C1orf21: variants seen among roughly 807,000 people sequenced by gnomAD.
The protein encoded by C1orf21 is chromosome 1 open reading frame 21, also known as uncharacterized protein C1orf21.
C1orf21 carries 3 observed loss-of-function variants against 18.7 expected under a neutral mutation model. The ratio of observed to expected loss-of-function variants is 0.16; its 90% confidence interval spans 0.07 to 0.42. The LOEUF is 0.42. Ranked by LOEUF, C1orf21 falls within the 10% of genes least tolerant of loss-of-function variation. The pLI is 0.99. For synonymous variants in C1orf21, 41 were observed against 46.4 expected, an observed-to-expected ratio of 0.88 and a Z score of 0.47; for missense variants, 104 against 143.6, an observed-to-expected ratio of 0.72 and a Z score of 1.41.
At position 184,627,212 on chromosome 1, in the gene C1orf21, C is replaced by A. The variant is rs1158097275; in HGVS notation, c.*7656C>A. 2.0e-5 allele frequency: 3 copies of A among 152,282 alleles called. No individual in the cohort carries two copies. Among genetic ancestry groups the A allele is most frequent in the African/African-American group, 7.2e-5 (3 of 41,412 alleles). 9.4% of individuals were successfully genotyped at this position (152,282 alleles called of 1,614,324 possible). A position where few individuals can be genotyped will look rare whatever the true frequency, so the allele number is the denominator to read the frequency against. On this transcript the variant is annotated 3_prime_UTR_variant, in exon 6 of 6. Coordinates refer to ENST00000235307, the MANE Select transcript of C1orf21 (RefSeq NM_030806.4). ...GTATGAGTCAGGGAAGGCTCAGAGACAAGCAGAATCTCTCTATGGAGACAA... is the reference window on the plus strand; with the variant it reads ...GTATGAGTCAGGGAAGGCTCAGAGAAAAGCAGAATCTCTCTATGGAGACAA...
intron 3 of C1orf21, among the ~76,000 whole-genome samples, chr1:184,546,299 G>A (rs964001582): frequency 1.3e-5 from 2 of 152,262 alleles, no homozygotes; most frequent in East Asian, 1.9e-4. Context: ...ACTGGGCATG[G>A]TGGTGCACAC....
intron 1 of C1orf21, among the ~76,000 whole-genome samples, chr1:184,424,927 ACAC>A (rs1166218356): frequency 6.6e-6 from 1 of 152,148 alleles, no homozygotes; most frequent in African/African-American, 2.4e-5. Context: ...GGTTATCAGA[ACAC>A]CTAGCCCTGT....
chr1:184,597,565 T>C (rs1303998168), intron 4 of C1orf21, among the ~76,000 whole-genome samples: 1 of 151,912 alleles, frequency 6.6e-6, no homozygotes, highest in Non-Finnish European at 1.5e-5. Context: ...AAGGAAACTC[T>C]GTGTGATAAC....
rs771892964 is a variant in C1orf21, at chr1:184,477,578, C to T, written c.69C>T (p.Asn23=). Residue 23 remains asparagine, a synonymous_variant, in exon 2 of 6, where the codon AAC becomes AAT. Coordinates refer to ENST00000235307, the MANE Select transcript of C1orf21 (RefSeq NM_030806.4). The part of the protein sequence containing the change: ...QNEEEAQKGK[N]YQNGDVFGDE... ...AAGAGGAAGCCCAGAAAGGGAAAAA[C>T]TACCAGAACGGAGATGTGTTTGGCG... The T allele has an allele frequency of 1.2e-6, 2 of 1,614,008 alleles. No homozygotes were observed. Among genetic ancestry groups the T allele is most frequent in the Non-Finnish European group, 8.5e-7 (1 of 1,179,916 alleles).
At chr1:184,488,205 T>C (rs1277450693) in intron 2 of C1orf21, among the ~76,000 whole-genome samples, 1 of 152,242 alleles carries the variant, frequency 6.6e-6, no homozygotes, top group Non-Finnish European at 1.5e-5. Flanking sequence ...GTGTAAGATG[T>C]ATACGTGAAT....
chr1:184,586,424 C>A (rs973501596), intron 3 of C1orf21, among the ~76,000 whole-genome samples: 4 of 151,854 alleles, frequency 2.6e-5, no homozygotes, highest in Non-Finnish European at 1.5e-5. Flanking sequence ...GCTGGGACTA[C>A]AGGCGCCCGC....
intron 3 of C1orf21, among the ~76,000 whole-genome samples, chr1:184,536,511 C>T (rs1658555908): frequency 6.6e-6 from 1 of 152,168 alleles, no homozygotes; most frequent in Non-Finnish European, 1.5e-5. Flanking sequence ...GTCACATGGT[C>T]ACACCTCACT....
intron 1 of C1orf21, among the ~76,000 whole-genome samples, chr1:184,396,775 A>G (rs982710069): frequency 2.0e-5 from 3 of 152,056 alleles, no homozygotes; most frequent in Non-Finnish European, 4.4e-5. Context: ...GCACTTTCCA[A>G]TATTGTAATT....
chr1:184,574,983 T>A (rs1659167071), intron 3 of C1orf21, among the ~76,000 whole-genome samples: 1 of 152,162 alleles, frequency 6.6e-6, no homozygotes, highest in Non-Finnish European at 1.5e-5. Flanking sequence ...TATGGGAGTT[T>A]TTAAGAAAGC....
At chr1:184,475,345 C>G (rs531916227) in intron 1 of C1orf21, among the ~76,000 whole-genome samples, 12 of 152,108 alleles carry the variant, frequency 7.9e-5, no homozygotes, top group Non-Finnish European at 1.6e-4. Flanking sequence ...CCCTGCCCCC[C>G]CATCCCCACC....
intron 1 of C1orf21, among the ~76,000 whole-genome samples, chr1:184,445,802 T>C (rs1657021054): frequency 6.6e-6 from 1 of 151,232 alleles, no homozygotes; most frequent in Non-Finnish European, 1.5e-5. Context: ...ATGAAAAAAA[T>C]GTTACATAGG....
chr1:184,439,007 T>G lies in C1orf21; in HGVS notation c.-124-38379T>G, dbSNP rs558523293. The stretch of plus-strand genomic sequence containing the variant: ...AGGTGAATCACCTGAGGTCAGGAGT[T>G]CGAGACCAGCCTGGCCAACGCGGTG... On this transcript the variant is annotated intron_variant, in intron 1 of 5. Coordinates refer to ENST00000235307, the MANE Select transcript of C1orf21 (RefSeq NM_030806.4). Among the ~76,000 whole-genome samples, 204 of 152,174 alleles carry G rather than the reference T, an allele frequency of 1.3e-3. 1 individual carries two copies. Among genetic ancestry groups the G allele is most frequent in the African/African-American group, 4.8e-3 (199 of 41,532 alleles).
At chr1:184,441,378 G>T (rs1303849335) in intron 1 of C1orf21, among the ~76,000 whole-genome samples, 1 of 152,190 alleles carries the variant, frequency 6.6e-6, no homozygotes, top group Non-Finnish European at 1.5e-5. Flanking sequence ...GACCTGGTTT[G>T]TCCAGAAATC....
At position 184,626,455 on chromosome 1, in the gene C1orf21, CT is replaced by C. The variant is rs1660011926; in HGVS notation, c.*6901del. On this transcript the variant is annotated 3_prime_UTR_variant, in exon 6 of 6. Transcript: ENST00000235307. ...CCAGCCTGCAGTACAGAGGCTGGAG[CT>C]TGGACTTGTAGAGGGAGAGAGAAGA... The C allele has an allele frequency of 6.6e-6, 1 of 152,584 alleles. No homozygotes were observed. The highest frequency in any genetic ancestry group is 1.5e-5 in the Non-Finnish European group (1 of 68,388). 9.5% of individuals were successfully genotyped at this position (152,584 alleles called of 1,614,324 possible). A position where few individuals can be genotyped will look rare whatever the true frequency, so the allele number is the denominator to read the frequency against.
At chr1:184,420,260 A>T (rs1656524531) in intron 1 of C1orf21, among the ~76,000 whole-genome samples, 1 of 151,946 alleles carries the variant, frequency 6.6e-6, no homozygotes, top group Non-Finnish European at 1.5e-5. Flanking sequence ...TGGGGTATGA[A>T]AACTGAGGCA....
intron 1 of C1orf21, among the ~76,000 whole-genome samples, chr1:184,415,580 C>A (rs1409963121): frequency 2.0e-5 from 3 of 152,004 alleles, no homozygotes; most frequent in Admixed American, 6.5e-5. Context: ...GTCATTAAAT[C>A]AATTTAGTAG....
At chr1:184,493,563 G>GAT (rs1276299425) in intron 2 of C1orf21, among the ~76,000 whole-genome samples, 2 of 152,160 alleles carry the variant, frequency 1.3e-5, no homozygotes, top group African/African-American at 4.8e-5. Context: ...TCCAGCTATA[G>GAT]ATATGCATGC....
chr1:184,449,321 T>C (rs549379913), intron 1 of C1orf21, among the ~76,000 whole-genome samples: 61 of 152,116 alleles, frequency 4.0e-4, no homozygotes, highest in African/African-American at 1.4e-3. Context: ...GTCCTTGCGA[T>C]AGTTTGCTGA....
chr1:184,590,967 A>G (rs1381668347), intron 4 of C1orf21, 152 bp downstream of exon 4: 11 of 674,400 alleles, frequency 1.6e-5, no homozygotes, highest in Non-Finnish European at 2.5e-5. Flanking sequence ...GCCGCACACC[A>G]AGTACTATGT....
Sources: allele counts gnomAD v4.1 joint callset (sites outside exome capture counted in the v4.1 genomes callset), GRCh38; gene constraint gnomAD v4.1.1; transcripts MANE v1.5; gene names NCBI Gene and HGNC (gene_info 2026-07-23, HGNC 2026-07-21).